Variants in PTGER3 observed in about 807,000 individuals in gnomAD.
PTGER3 encodes the protein prostaglandin E2 receptor EP3 subtype.
A neutral mutation model predicts 34.7 loss-of-function variants in PTGER3; 22 were observed. The ratio of observed to expected loss-of-function variants is 0.63; its 90% CI spans 0.45 to 0.91. PTGER3 has a LOEUF of 0.91. Ranked by LOEUF, PTGER3 falls within the 40% of genes least tolerant of loss-of-function variation. The probability of loss-of-function intolerance (pLI) is 0.00; values close to 1 mark genes in which losing one functional copy is unlikely to be tolerated. For missense variants in PTGER3, 468 were observed against 519.4 expected (o/e 0.90, Z 0.96); for synonymous variants, 241 against 230.1 (o/e 1.05, Z -0.43).
chr1:70,978,309 A>G (rs879424), intron 2 of PTGER3, among the ~76,000 whole-genome samples: 8,768 of 152,224 alleles, frequency 0.058, 447 homozygotes, highest in African/African-American at 0.13. Flanking sequence ...AGTATTTACA[A>G]ACCTCCCCCC....
chr1:70,941,912 G>T (rs768661011), intron 4 of PTGER3, among the ~76,000 whole-genome samples: 1 of 151,732 alleles, frequency 6.6e-6, no homozygotes, highest in Non-Finnish European at 1.5e-5. Flanking sequence ...ATTTAATCAC[G>T]ACCGTCCTCC....
intron 2 of PTGER3, among the ~76,000 whole-genome samples, chr1:70,993,503 C>T (rs1655656454): frequency 6.6e-6 from 1 of 152,142 alleles, no homozygotes; most frequent in South Asian, 2.1e-4. Context: ...AAATGTCTAA[C>T]CATGTTAGGC....
chr1:70,988,738 GT>G (rs966808500), intron 2 of PTGER3, among the ~76,000 whole-genome samples: 1 of 152,072 alleles, frequency 6.6e-6, no homozygotes, highest in Non-Finnish European at 1.5e-5. Context: ...TTTAATCATT[GT>G]TTTATTTATT....
intron 2 of PTGER3, among the ~76,000 whole-genome samples, chr1:70,989,295 G>A (rs1346053979): frequency 1.3e-5 from 2 of 152,116 alleles, no homozygotes. Context: ...CAGGGAAGTT[G>A]GGATAATCAA....
At chr1:70,939,844 A>AAGAT (rs1483662100) in intron 4 of PTGER3, among the ~76,000 whole-genome samples, 2 of 152,122 alleles carry the variant, frequency 1.3e-5, no homozygotes, top group Non-Finnish European at 2.9e-5. Flanking sequence ...GGCTGCCATG[A>AAGAT]AGATCTCTCA....
At chr1:70,998,844 C>T (rs570365509) in intron 2 of PTGER3, among the ~76,000 whole-genome samples, 1 of 152,178 alleles carries the variant, frequency 6.6e-6, no homozygotes, top group South Asian at 2.1e-4. Context: ...CAGGGAACGA[C>T]GATGGTGCTT....
chr1:71,022,589 T>C (rs780193352), intron 1 of PTGER3, among the ~76,000 whole-genome samples: 5 of 151,870 alleles, frequency 3.3e-5, no homozygotes, highest in Non-Finnish European at 7.3e-5. Context: ...GAATCCAAAA[T>C]AGATGCATCT....
At chr1:71,023,576 G>C (rs770779440) in intron 1 of PTGER3, among the ~76,000 whole-genome samples, 15 of 151,804 alleles carry the variant, frequency 9.9e-5, no homozygotes, top group Non-Finnish European at 2.1e-4. Context: ...GCACGGCTTT[G>C]TTTGAATGTC....
downstream of PTGER3, among the ~76,000 whole-genome samples, chr1:70,968,470 A>G (rs1033574179): frequency 6.6e-6 from 1 of 152,164 alleles, no homozygotes; most frequent in Non-Finnish European, 1.5e-5. Context: ...ACCTTGTTGC[A>G]TAATGACAAG....
downstream of PTGER3, among the ~76,000 whole-genome samples, chr1:70,948,623 CATA>C (rs1472624649): frequency 1.3e-5 from 2 of 152,128 alleles, no homozygotes; most frequent in Non-Finnish European, 2.9e-5. Flanking sequence ...GTCTCACGTG[CATA>C]ATAACTCCAT....
At chr1:70,869,732 T>C (rs543634524) in intron 4 of PTGER3, among the ~76,000 whole-genome samples, 83 of 152,206 alleles carry the variant, frequency 5.5e-4, no homozygotes, top group Non-Finnish European at 1.1e-3. Context: ...AATAGTCTCA[T>C]TTGACTCCAT....
intron 2 of PTGER3, among the ~76,000 whole-genome samples, chr1:70,999,242 A>G (rs1172283302): frequency 6.6e-6 from 1 of 152,200 alleles, no homozygotes; most frequent in Non-Finnish European, 1.5e-5. Flanking sequence ...GATAAGTTGC[A>G]TTCTGAATTC....
chr1:70,967,209 A>AG (rs1652616373), downstream of PTGER3, among the ~76,000 whole-genome samples: 1 of 152,150 alleles, frequency 6.6e-6, no homozygotes, highest in African/African-American at 2.4e-5. Context: ...ATCAACTGCC[A>AG]ACTAAATGCC....
intron 1 of PTGER3, among the ~76,000 whole-genome samples, chr1:71,033,893 T>C (rs1316251760): frequency 2.0e-5 from 3 of 152,194 alleles, no homozygotes; most frequent in Non-Finnish European, 4.4e-5. Flanking sequence ...TTGTTATTTT[T>C]CTGCTTAAAA....
intron 4 of PTGER3, among the ~76,000 whole-genome samples, chr1:70,878,367 TC>T (rs1372185903): frequency 2.0e-5 from 3 of 152,130 alleles, no homozygotes; most frequent in Admixed American, 6.5e-5. Flanking sequence ...TTTCCTTTTT[TC>T]TTTATTAGTC....
exon 5 of PTGER3, chr1:70,852,732 G>A (rs1043333865): frequency 1.3e-5 from 18 of 1,365,902 alleles, no homozygotes; most frequent in Non-Finnish European, 1.7e-5. Context: ...GGGGGAAGAA[G>A]TAAAAGAGAA....
At chr1:70,923,766 A>G (rs1057378013) in intron 4 of PTGER3, among the ~76,000 whole-genome samples, 2 of 152,210 alleles carry the variant, frequency 1.3e-5, no homozygotes, top group African/African-American at 4.8e-5. Context: ...AATTTGGAGC[A>G]TATTTGTTTC....
intron 4 of PTGER3, among the ~76,000 whole-genome samples, chr1:70,882,843 C>G (rs552397814): frequency 6.6e-6 from 1 of 152,316 alleles, no homozygotes; most frequent in East Asian, 1.9e-4. Context: ...TCTCTCTGCT[C>G]TGTGTCCCCT....
intron 4 of PTGER3, among the ~76,000 whole-genome samples, chr1:70,940,760 G>A (rs564423075): frequency 2.6e-5 from 4 of 152,300 alleles, no homozygotes; most frequent in African/African-American, 9.6e-5. Context: ...AATTCTGGGA[G>A]ATACAATTCA....
Sources: gnomAD v4.1 joint callset for allele counts (sites outside exome capture counted in the v4.1 genomes callset) on GRCh38, gnomAD v4.1.1 for gene constraint, MANE v1.5 for transcripts, NCBI Gene and HGNC (gene_info 2026-07-23, HGNC 2026-07-21) for gene names.